The following ERC2 variants were observed in gnomAD, a reference collection of about 807,000 sequenced individuals.
ERC2 encodes ERC protein 2.
A neutral mutation model predicts 114.8 loss-of-function variants in ERC2; 42 were observed. The observed-to-expected ratio is 0.37, with a 90% CI of 0.29 to 0.47. ERC2 has a LOEUF of 0.47. ERC2 is among the 20% of genes least tolerant of loss of function. The pLI is 0.99. For synonymous variants in ERC2, 454 were observed against 425.5 expected (o/e 1.07, Z -0.82); for missense variants, 939 against 1,150.7 (o/e 0.82, Z 2.66).
At chr3:55,941,324 A>G (rs1038075556) in intron 13 of ERC2, among the ~76,000 whole-genome samples, 34 of 152,224 alleles carry the variant, frequency 2.2e-4, no homozygotes, top group African/African-American at 7.9e-4. Flanking sequence ...CAGGACCAAG[A>G]CAGTCTCCAA....
chr3:55,937,634 A>T (rs1285647519), intron 13 of ERC2, among the ~76,000 whole-genome samples: 1 of 152,228 alleles, frequency 6.6e-6, no homozygotes, highest in Admixed American at 6.5e-5. Context: ...AGTTCAGGTG[A>T]CATTGTTCCA....
intron 7 of ERC2, among the ~76,000 whole-genome samples, chr3:56,045,035 T>C (rs1188622415): frequency 6.6e-6 from 1 of 152,158 alleles, no homozygotes; most frequent in Non-Finnish European, 1.5e-5. Context: ...ATAGTTCTAG[T>C]GGATATAGAA....
chr3:56,016,946 C>A (rs553689256), intron 8 of ERC2, among the ~76,000 whole-genome samples: 49 of 152,172 alleles, frequency 3.2e-4, no homozygotes, highest in African/African-American at 1.1e-3. Context: ...CAGAGGAAAA[C>A]CCTCACAACA....
At chr3:56,418,602 T>A (rs914340069) in intron 2 of ERC2, among the ~76,000 whole-genome samples, 2 of 152,266 alleles carry the variant, frequency 1.3e-5, no homozygotes, top group Non-Finnish European at 2.9e-5. Context: ...AGGGTCATTA[T>A]GTGGATTAAA....
chr3:56,423,657 C>T (rs1030023827), intron 2 of ERC2, among the ~76,000 whole-genome samples: 1 of 152,222 alleles, frequency 6.6e-6, no homozygotes, highest in Non-Finnish European at 1.5e-5. Context: ...CTACACGTTG[C>T]TTCCAAGGCA....
At chr3:56,433,003 G>A (rs1201891455) in intron 2 of ERC2, among the ~76,000 whole-genome samples, 2 of 151,906 alleles carry the variant, frequency 1.3e-5, no homozygotes, top group East Asian at 3.9e-4. Flanking sequence ...GCAAGACCTT[G>A]TCTCTACAAA....
At chr3:56,352,998 T>C (rs947886687) in intron 2 of ERC2, among the ~76,000 whole-genome samples, 1 of 152,216 alleles carries the variant, frequency 6.6e-6, no homozygotes, top group Non-Finnish European at 1.5e-5. Flanking sequence ...ATTTGCCATA[T>C]TCTACTGGTT....
chr3:55,528,038 A>T (rs184816406), intron 17 of ERC2, among the ~76,000 whole-genome samples: 67 of 152,336 alleles, frequency 4.4e-4, no homozygotes, highest in Admixed American at 1.8e-3. Flanking sequence ...ATCAGGGGTA[A>T]TATGTACATG....
chr3:56,423,358 G>A (rs1204517387), intron 2 of ERC2, among the ~76,000 whole-genome samples: 2 of 152,332 alleles, frequency 1.3e-5, no homozygotes, highest in South Asian at 2.1e-4. Flanking sequence ...GCTAGACAAC[G>A]TCAGGGGCTG....
intron 12 of ERC2, among the ~76,000 whole-genome samples, chr3:55,983,386 G>C (rs1039132646): frequency 6.6e-6 from 1 of 152,084 alleles, no homozygotes; most frequent in Non-Finnish European, 1.5e-5. Context: ...ACCCTCCCCC[G>C]AGTACAATAC....
intron 2 of ERC2, among the ~76,000 whole-genome samples, chr3:56,354,640 C>T (rs993376736): frequency 2.6e-5 from 4 of 152,158 alleles, no homozygotes; most frequent in Non-Finnish European, 5.9e-5. Flanking sequence ...CCAAGATAAA[C>T]CTCTATGCCA....
At chr3:56,219,790 ATAT>A (rs2049775436) in intron 3 of ERC2, among the ~76,000 whole-genome samples, 1 of 152,016 alleles carries the variant, frequency 6.6e-6, no homozygotes, top group African/African-American at 2.4e-5. Flanking sequence ...ACTTCCAGAG[ATAT>A]TATTACTTCA....
In ERC2 at chr3:55,837,058, C is replaced by T. The variant is rs1240427555; in HGVS notation, c.2564+51331G>A. Among the ~76,000 whole-genome samples, 15 of 152,236 alleles carry T rather than the reference C, an allele frequency of 9.9e-5. No individual in the cohort carries two copies. In the East Asian group the frequency reaches 2.9e-3, roughly 29 times the overall value. On this transcript the variant is annotated intron_variant, in intron 14 of 17. Transcript: ENST00000288221. ...TGCAAATCAAAACCACAATGAGATA[C>T]CATCTCACACCAGTTAGAATGGCAA...
intron 17 of ERC2, among the ~76,000 whole-genome samples, chr3:55,586,474 A>T (rs1031420466): frequency 6.6e-6 from 1 of 152,248 alleles, no homozygotes; most frequent in South Asian, 2.1e-4. Flanking sequence ...ATAAGAACGC[A>T]ATCTAAACTA....
At chr3:56,333,354 T>C (rs1279929910) in intron 2 of ERC2, among the ~76,000 whole-genome samples, 3 of 152,378 alleles carry the variant, frequency 2.0e-5, no homozygotes, top group Non-Finnish European at 1.5e-5. Context: ...GTGTTTCTCA[T>C]GTTGGCAAAA....
chr3:56,373,844 T>C (rs972813159), intron 2 of ERC2, among the ~76,000 whole-genome samples: 2 of 152,212 alleles, frequency 1.3e-5, no homozygotes, highest in African/African-American at 2.4e-5. Flanking sequence ...GCGTATTTCA[T>C]GTAATTCTTG....
chr3:55,664,695 T>TA (rs2061285681), intron 17 of ERC2, among the ~76,000 whole-genome samples: 1 of 152,216 alleles, frequency 6.6e-6, no homozygotes, highest in African/African-American at 2.4e-5. Context: ...AGTATTCTGT[T>TA]ACTGCCTACA....
chr3:56,161,271 C>T (rs2082034766), intron 4 of ERC2, among the ~76,000 whole-genome samples: 1 of 152,174 alleles, frequency 6.6e-6, no homozygotes, highest in African/African-American at 2.4e-5. Flanking sequence ...GCTTGTACAG[C>T]CTGCCAAACC....
At chr3:56,179,430 T>G (rs2083163920) in intron 3 of ERC2, among the ~76,000 whole-genome samples, 1 of 152,150 alleles carries the variant, frequency 6.6e-6, no homozygotes, top group Non-Finnish European at 1.5e-5. Flanking sequence ...ATGAGGCACT[T>G]TCTTAAAGGA....
Sources: allele counts gnomAD v4.1 joint callset (sites outside exome capture counted in the v4.1 genomes callset), GRCh38; gene constraint gnomAD v4.1.1; transcripts MANE v1.5; gene names NCBI Gene and HGNC (gene_info 2026-07-23, HGNC 2026-07-21).